IQCM: variants seen among roughly 807,000 people sequenced by gnomAD.
IQCM encodes IQ domain-containing protein M.
A neutral mutation model predicts 57.6 loss-of-function variants in IQCM; 45 were observed. The ratio of observed to expected loss-of-function variants is 0.78; its 90% CI spans 0.62 to 1.00. The LOEUF is 1.00. Among genes scored for constraint, IQCM ranks in the 50% least tolerant of loss-of-function variants. The pLI, the probability that IQCM is intolerant of heterozygous loss-of-function variation, is 0.00. For missense variants in IQCM, 468 were observed against 511.6 expected, an observed-to-expected ratio of 0.91 and a Z score of 0.82; for synonymous variants, 148 against 158.9, an observed-to-expected ratio of 0.93 and a Z score of 0.51.
chr4:149,794,169 A>C (rs1173592743), intron 2 of IQCM, among the ~76,000 whole-genome samples: 1 of 152,210 alleles, frequency 6.6e-6, no homozygotes, highest in African/African-American at 2.4e-5. Context: ...ACAGGCTAGA[A>C]ATGGGGCAGG....
At chr4:149,589,450 C>T (rs1020915773) in intron 8 of IQCM, among the ~76,000 whole-genome samples, 2 of 151,950 alleles carry the variant, frequency 1.3e-5, no homozygotes, top group African/African-American at 4.8e-5. Context: ...AAAGATGAAA[C>T]GTGGAAGAAA....
At chr4:149,532,624 A>C (rs572842724) in intron 12 of IQCM, among the ~76,000 whole-genome samples, 1 of 151,580 alleles carries the variant, frequency 6.6e-6, no homozygotes, top group African/African-American at 2.4e-5. Context: ...TTTTTCCTAC[A>C]CTACTAATTT....
At chr4:149,737,643 C>T (rs1260090159) in intron 3 of IQCM, 1 of 152,114 alleles carries the variant, frequency 6.6e-6, no homozygotes. Context: ...AGGAATGGAG[C>T]CCGGTTCACA....
intron 2 of IQCM, chr4:149,790,121 A>G: frequency 1.5e-6 from 1 of 673,062 alleles, no homozygotes; most frequent in African/African-American, 1.9e-5. Flanking sequence ...GCCCTTATTT[A>G]CTCTATGGCA....
At chr4:149,631,898 G>C (rs1399431453) in intron 7 of IQCM, among the ~76,000 whole-genome samples, 1 of 152,214 alleles carries the variant, frequency 6.6e-6, no homozygotes. Context: ...CTGTGAGTCT[G>C]AGGCAAATGC....
At chr4:149,601,342 A>G (rs1414853338) in intron 8 of IQCM, among the ~76,000 whole-genome samples, 1 of 152,186 alleles carries the variant, frequency 6.6e-6, no homozygotes, top group Admixed American at 6.6e-5. Flanking sequence ...TCTCTGATTG[A>G]AACTAAGCCA....
intron 13 of IQCM, among the ~76,000 whole-genome samples, chr4:149,364,692 T>C (rs751780230): frequency 2.0e-5 from 3 of 151,996 alleles, no homozygotes; most frequent in Non-Finnish European, 4.4e-5. Context: ...ATGGCATATA[T>C]AAATAATAAG....
chr4:149,750,500 C>A (rs150011431), intron 2 of IQCM, among the ~76,000 whole-genome samples: 2,061 of 152,204 alleles, frequency 0.014, 52 homozygotes, highest in African/African-American at 0.047. Flanking sequence ...GTAATAAGAG[C>A]CTTATTTCCT....
intron 2 of IQCM, among the ~76,000 whole-genome samples, chr4:149,752,780 G>A (rs1426441081): frequency 2.0e-5 from 3 of 152,180 alleles, no homozygotes; most frequent in Non-Finnish European, 4.4e-5. Context: ...TCTCATGTTA[G>A]GTAGGGGATC....
chr4:149,409,490 G>A (rs1469376467), intron 13 of IQCM, among the ~76,000 whole-genome samples: 1 of 152,216 alleles, frequency 6.6e-6, no homozygotes, highest in Non-Finnish European at 1.5e-5. Context: ...TCTATTTTGT[G>A]AACGCCCAAC....
chr4:149,407,119 A>C (rs993133349), intron 13 of IQCM, among the ~76,000 whole-genome samples: 4 of 152,120 alleles, frequency 2.6e-5, no homozygotes, highest in Non-Finnish European at 5.9e-5. Context: ...CTTACTCACT[A>C]CGATGAGAAC....
intron 8 of IQCM, among the ~76,000 whole-genome samples, chr4:149,604,759 G>A (rs1449015969): frequency 6.6e-6 from 1 of 152,072 alleles, no homozygotes; most frequent in Non-Finnish European, 1.5e-5. Context: ...ACAGATGTTT[G>A]CCTTATTTGG....
intron 2 of IQCM, among the ~76,000 whole-genome samples, chr4:149,751,926 A>G (rs1483174991): frequency 1.3e-5 from 2 of 152,206 alleles, no homozygotes; most frequent in Non-Finnish European, 2.9e-5. Context: ...AAAGAAGAAA[A>G]GAAGGGAATT....
chr4:149,803,684 TGTTTATCTGGCTAGAA>T (rs1773819044), intron 2 of IQCM, among the ~76,000 whole-genome samples: 1 of 152,024 alleles, frequency 6.6e-6, no homozygotes, highest in Admixed American at 6.6e-5. Context: ...TGGAGTTTTA[TGTTTATCTGGCTAGAA>T]GTTTATCTGT....
chr4:149,390,802 C>A (rs979643821), intron 13 of IQCM, among the ~76,000 whole-genome samples: 1 of 151,538 alleles, frequency 6.6e-6, no homozygotes, highest in Non-Finnish European at 1.5e-5. Context: ...TACAAGCCAC[C>A]GGATTCAACT....
chr4:149,414,096 CA>C (rs1172707530), intron 13 of IQCM, among the ~76,000 whole-genome samples: 1 of 152,086 alleles, frequency 6.6e-6, no homozygotes, highest in Non-Finnish European at 1.5e-5. Context: ...AAATGCCACA[CA>C]AAAGAATTGG....
intron 2 of IQCM, among the ~76,000 whole-genome samples, chr4:149,751,765 C>A (rs1306881647): frequency 1.3e-5 from 2 of 151,840 alleles, no homozygotes; most frequent in Non-Finnish European, 2.9e-5. Context: ...GTAGTTTAAA[C>A]CAGAGATGAT....
intron 13 of IQCM, among the ~76,000 whole-genome samples, chr4:149,403,050 TC>T (rs1399046301): frequency 1.3e-5 from 2 of 151,968 alleles, no homozygotes; most frequent in Non-Finnish European, 2.9e-5. Context: ...TCCTCAGATG[TC>T]ATTCGTATTT....
chr4:149,655,377 G>C (rs942624539), intron 7 of IQCM, among the ~76,000 whole-genome samples: 22 of 152,080 alleles, frequency 1.4e-4, no homozygotes, highest in African/African-American at 4.6e-4. Flanking sequence ...TTAGAGATTT[G>C]CTGAACACTT....
Sources: allele counts gnomAD v4.1 joint callset (sites outside exome capture counted in the v4.1 genomes callset), GRCh38; gene constraint gnomAD v4.1.1; transcripts MANE v1.5; gene names NCBI Gene and HGNC (gene_info 2026-07-23, HGNC 2026-07-21).